NAALAD2: variants seen among roughly 807,000 people sequenced by gnomAD.
NAALAD2 encodes N-acetylated-alpha-linked acidic dipeptidase 2.
Under a neutral mutation model 95.6 loss-of-function variants are expected in NAALAD2, and 89 were observed. The observed-to-expected ratio is 0.93, with a 90% CI of 0.78 to 1.11. NAALAD2 has a LOEUF of 1.11. Ranked by LOEUF, NAALAD2 falls within the 50% of genes least tolerant of loss-of-function variation. NAALAD2 has a pLI of 0.00. For missense variants in NAALAD2, 894 were observed against 872.4 expected (o/e 1.02, Z -0.31); for synonymous variants, 264 against 294.4 (o/e 0.90, Z 1.06).
upstream of NAALAD2, among the ~76,000 whole-genome samples, chr11:90,133,336 C>T (rs2134804021): frequency 6.6e-6 from 1 of 152,264 alleles, no homozygotes; most frequent in Non-Finnish European, 1.5e-5. Context: ...ACAATGGCCA[C>T]TATTTTGCAA....
chr11:90,133,927 G>A (rs999610418), upstream of NAALAD2, among the ~76,000 whole-genome samples: 2 of 152,098 alleles, frequency 1.3e-5, no homozygotes, highest in African/African-American at 4.8e-5. Flanking sequence ...CTATGGGAGA[G>A]ACAAAGGATT....
At chr11:90,167,417 G>C (rs900678562) in intron 11 of NAALAD2, among the ~76,000 whole-genome samples, 3 of 152,182 alleles carry the variant, frequency 2.0e-5, no homozygotes, top group Non-Finnish European at 4.4e-5. Flanking sequence ...CACCATGCCT[G>C]AGCCTGCGCC....
intron 6 of NAALAD2, 84 bp downstream of exon 6, chr11:90,152,568 A>G: frequency 9.3e-7 from 1 of 1,072,682 alleles, no homozygotes; most frequent in Non-Finnish European, 1.3e-6. Flanking sequence ...CATGTTCAGA[A>G]TAATATTAAA....
chr11:90,163,088 G>A, intron 9 of NAALAD2, 54 bp downstream of exon 9: 2 of 1,370,896 alleles, frequency 1.5e-6, no homozygotes, highest in Non-Finnish European at 2.0e-6. Flanking sequence ...TAAAGGGTAA[G>A]TAAAGATAAA....
chr11:90,155,621 CATATATATTA>C (rs199623640), intron 6 of NAALAD2, among the ~76,000 whole-genome samples: 25,168 of 83,474 alleles, frequency 0.3, 4,136 homozygotes, highest in African/African-American at 0.45. Flanking sequence ...ATATAAATTA[CATATATATTA>C]ATATATATAT....
chr11:90,185,050 A>G (rs968221152), intron 18 of NAALAD2, among the ~76,000 whole-genome samples: 3 of 152,100 alleles, frequency 2.0e-5, no homozygotes, highest in African/African-American at 4.8e-5. Flanking sequence ...GCCATTTTAT[A>G]TAAGGGAGTT....
intron 18 of NAALAD2, among the ~76,000 whole-genome samples, chr11:90,184,110 G>C (rs1565550255): frequency 6.6e-6 from 1 of 152,022 alleles, no homozygotes; most frequent in Non-Finnish European, 1.5e-5. Flanking sequence ...GTAACTTCTA[G>C]GGTTTTCCCA....
At chr11:90,160,426 A>G (rs1323746861) in intron 8 of NAALAD2, among the ~76,000 whole-genome samples, 1 of 152,182 alleles carries the variant, frequency 6.6e-6, no homozygotes, top group Non-Finnish European at 1.5e-5. Context: ...TTTGCTAACA[A>G]TTTACCCTTA....
chr11:90,163,145 C>G lies in NAALAD2; in HGVS notation c.1075+111C>G. 7 of 1,206,306 alleles carry G rather than the reference C, an allele frequency of 5.8e-6. No individual in the cohort carries two copies. The Middle Eastern group carries it at 1.2e-3, about 212-fold the overall frequency. The allele number at this position is 1,206,306 out of a possible 1,614,324, so 74.7% of individuals were successfully genotyped here. A position where few individuals can be genotyped will look rare whatever the true frequency, so the allele number is the denominator to read the frequency against. ...GGGTTTTTTGGCTGATTTGAAACTACTAAATTTTGAGGAAAACTGTACAAA... is the reference window on the plus strand; with the variant it reads ...GGGTTTTTTGGCTGATTTGAAACTAGTAAATTTTGAGGAAAACTGTACAAA... On this transcript the variant is annotated intron_variant, in intron 9 of 18. Transcript: ENST00000534061.
chr11:90,169,147 C>T (rs1952560189), intron 12 of NAALAD2, 155 bp downstream of exon 12: 3 of 506,048 alleles, frequency 5.9e-6, no homozygotes, highest in Non-Finnish European at 7.0e-6. Flanking sequence ...CTCAGTAATA[C>T]CTTTATTTTT....
In NAALAD2 at chr11:90,191,575, C is replaced by A. The variant is rs80329669; in HGVS notation, c.2051C>A (p.Pro684Gln). 2 of 1,588,228 alleles carry A rather than the reference C, an allele frequency of 1.3e-6. No individual in the cohort carries two copies. The highest frequency in any genetic ancestry group is 2.3e-5 in the East Asian group (1 of 44,006). ...CCTTTTAGGCACATCATATTTGCTC[C>A]AAGTAGCCACAACAAATATGCTGGA... ...KLFYRHIIFA[P>Q]SSHNKYAGES... Residue 684 changes from proline (P) to glutamine (Q), a missense_variant, in exon 19 of 19, where the codon CCA becomes CAA. Coordinates refer to ENST00000534061, the MANE Select transcript of NAALAD2 (RefSeq NM_005467.4).
intron 18 of NAALAD2, among the ~76,000 whole-genome samples, 162 bp downstream of exon 18, chr11:90,183,170 AAAAT>A (rs1468645469): frequency 6.6e-6 from 1 of 152,234 alleles, no homozygotes; most frequent in South Asian, 2.1e-4. Context: ...ACATATTAGA[AAAAT>A]AAATTTCATA....
At position 90,148,911 on chromosome 11, in the gene NAALAD2, T is replaced by G. The variant is rs35633209; in HGVS notation, c.382-95T>G. On this transcript the variant is annotated intron_variant, in intron 3 of 18. Transcript: ENST00000534061. ...TCTATTACAGAACCTTGTTCCAGGA[T>G]GCTTAATCTGAAGTATATACTTGGA... 5.1e-3 allele frequency: 3,304 copies of G among 651,944 alleles called. 17 individuals carry two copies. The highest frequency in any genetic ancestry group is 6.2e-3 in the Non-Finnish European group (2,332 of 374,818). 40.4% of individuals were successfully genotyped at this position (651,944 alleles called of 1,614,324 possible).
chr11:90,154,182 T>C (rs1319708898), intron 6 of NAALAD2, among the ~76,000 whole-genome samples: 2 of 151,912 alleles, frequency 1.3e-5, no homozygotes, highest in Non-Finnish European at 2.9e-5. Context: ...CAGTACAATG[T>C]TGAATAGAAG....
chr11:90,191,947 A>G lies in NAALAD2; in HGVS notation c.*200A>G, dbSNP rs1425413002. The stretch of plus-strand genomic sequence containing the variant: ...AATTATATTAGCAAAGTGTTAATCT[A>G]ATGAAGTAAAAAACTCCTGTGTGGC... On this transcript the variant is annotated 3_prime_UTR_variant, in exon 19 of 19. Transcript: ENST00000534061. The G allele has an allele frequency of 3.0e-6, 1 of 333,658 alleles. No individual in the cohort carries two copies. Among genetic ancestry groups the G allele is most frequent in the African/African-American group, 2.1e-5 (1 of 47,410 alleles). The allele number at this position is 333,658 out of a possible 1,614,324, so 20.7% of individuals were successfully genotyped here. A position where few individuals can be genotyped will look rare whatever the true frequency, so the allele number is the denominator to read the frequency against.
chr11:90,191,585 C>A lies in NAALAD2; in HGVS notation c.2061C>A (p.His687Gln). 6.3e-7 allele frequency: 1 copy of A among 1,594,222 alleles called. No homozygotes were observed. The highest frequency in any genetic ancestry group is 8.5e-7 in the Non-Finnish European group (1 of 1,171,076). ...YRHIIFAPSS[H>Q]NKYAGESFPG... ...ACATCATATTTGCTCCAAGTAGCCA[C>A]AACAAATATGCTGGAGAATCATTTC... Residue 687 changes from histidine (H) to glutamine (Q), a missense_variant, in exon 19 of 19, where the codon CAC becomes CAA. Physicochemically the swap from His to Gln is conservative, Grantham distance 24. Transcript: ENST00000534061.
intron 5 of NAALAD2, among the ~76,000 whole-genome samples, chr11:90,151,583 C>T (rs1212261710): frequency 6.6e-6 from 1 of 152,108 alleles, no homozygotes; most frequent in East Asian, 1.9e-4. Flanking sequence ...TAGACATCAT[C>T]AATTTTCCTT....
intron 11 of NAALAD2, among the ~76,000 whole-genome samples, chr11:90,165,062 C>T (rs562573209): frequency 1.3e-5 from 2 of 152,252 alleles, no homozygotes; most frequent in African/African-American, 2.4e-5. Flanking sequence ...TAAGTGAGAA[C>T]ATGTGGTATT....
chr11:90,155,194 GTGTGTA>G (rs1408036664), intron 6 of NAALAD2, among the ~76,000 whole-genome samples: 1 of 126,328 alleles, frequency 7.9e-6, no homozygotes, highest in African/African-American at 2.9e-5. Context: ...ATGTATATAT[GTGTGTA>G]TATATTATAT....
Sources: gnomAD v4.1 joint callset for allele counts (sites outside exome capture counted in the v4.1 genomes callset) on GRCh38, gnomAD v4.1.1 for gene constraint, MANE v1.5 for transcripts, NCBI Gene and HGNC (gene_info 2026-07-23, HGNC 2026-07-21) for gene names.